Variants in TVP23A observed in about 807,000 individuals in gnomAD.
TVP23A encodes trans-golgi network vesicle protein 23 homolog A.
TVP23A carries 21 observed loss-of-function variants against 31.7 expected under a neutral mutation model. That is an observed-to-expected ratio of 0.66 (90% confidence interval 0.47 to 0.95). TVP23A has a LOEUF of 0.95. TVP23A is among the 40% of genes least tolerant of loss of function. The pLI is 0.00. For missense variants in TVP23A, 279 were observed against 255.6 expected (o/e 1.09, Z -0.62); for synonymous variants, 104 against 96.0 (o/e 1.08, Z -0.49).
Position 10,808,002 on chromosome 16 carries a change from C to T in TVP23A, c.89+10101G>A, listed in dbSNP as rs996267936. Among the ~76,000 whole-genome samples the T allele has an allele frequency of 2.0e-5, 3 of 152,218 alleles. No homozygotes were observed. The South Asian group carries it at 6.2e-4, about 32-fold the overall frequency. On this transcript the variant is annotated intron_variant, in intron 2 of 7. Transcript: ENST00000299866. The stretch of plus-strand genomic sequence containing the variant: ...AACTGGGATTACAGGTGCATGCCAC[C>T]GTGTCAGGCTCAAATCCCTTCCTTG...
chr16:10,797,581 AT>A (rs2033457018), intron 2 of TVP23A, among the ~76,000 whole-genome samples: 1 of 151,990 alleles, frequency 6.6e-6, no homozygotes, highest in Admixed American at 6.6e-5. Context: ...CTTATCAAAA[AT>A]TAGCCAGGCG....
intron 2 of TVP23A, among the ~76,000 whole-genome samples, chr16:10,809,692 C>G (rs1432599882): frequency 1.3e-5 from 2 of 152,176 alleles, no homozygotes; most frequent in African/African-American, 4.8e-5. Flanking sequence ...GGGCCCAGAA[C>G]TGTACTGTGG....
chr16:10,758,586 G>A (rs901801704), downstream of TVP23A, among the ~76,000 whole-genome samples: 1 of 152,190 alleles, frequency 6.6e-6, no homozygotes, highest in Non-Finnish European at 1.5e-5. Flanking sequence ...GGTCAAGAAT[G>A]CTTTTTGAAC....
intron 2 of TVP23A, chr16:10,775,317 C>G: frequency 7.2e-7 from 1 of 1,379,964 alleles, no homozygotes. Context: ...TCCTCCCCTT[C>G]GAAGAATCCA....
chr16:10,765,814 T>C (rs1157476977), downstream of TVP23A, among the ~76,000 whole-genome samples: 3 of 152,244 alleles, frequency 2.0e-5, no homozygotes, highest in Non-Finnish European at 4.4e-5. The surrounding 1 kb of genome is among the most constrained non-coding windows in gnomAD (Gnocchi z 4.0). Context: ...AGGCTCATTC[T>C]GAGCTGAGAA....
chr16:10,817,530 G>T (rs2034497030), intron 2 of TVP23A, among the ~76,000 whole-genome samples: 1 of 152,214 alleles, frequency 6.6e-6, no homozygotes, highest in African/African-American at 2.4e-5. Flanking sequence ...AGGCAGTTAA[G>T]TGACTTGACC....
At chr16:10,784,212 C>A (rs2142956841) in intron 2 of TVP23A, among the ~76,000 whole-genome samples, 1 of 151,784 alleles carries the variant, frequency 6.6e-6, no homozygotes, top group South Asian at 2.1e-4. Flanking sequence ...ACCTGTAATC[C>A]CAGCTACTAG....
rs1463745526 is a variant in TVP23A, at chr16:10,771,804, C to T, written c.454-6G>A. 5 of 1,564,680 alleles carry T rather than the reference C, an allele frequency of 3.2e-6. No homozygotes were observed. In the South Asian group the frequency reaches 3.5e-5, roughly 11 times the overall value. The stretch of plus-strand genomic sequence containing the variant: ...ATCCCAGCAACCACCAGAGCCTGCA[C>T]TCAGACAAAGAAAGCAAAGGTCACT... On this transcript the variant is annotated splice_polypyrimidine_tract_variant and splice_region_variant and intron_variant, in intron 5 of 7. Transcript: ENST00000299866.
At position 10,770,292 on chromosome 16, in the gene TVP23A, G is replaced by T; in HGVS notation, c.622C>A (p.Leu208Met). The change falls in exon 7 of 8, where the codon CTG (leucine) becomes ATG (methionine). Residue 208 changes from leucine (L) to methionine (M), a missense_variant. Transcript: ENST00000299866. ...CTCACCTAATGCTGGTGAATCTCCAGCCCCTCGAGGCCAGGCTTCTGAAAG... is the reference window on the plus strand; with the variant it reads ...CTCACCTAATGCTGGTGAATCTCCATCCCCTCGAGGCCAGGCTTCTGAAAG... Reference protein sequence around the residue: ...GDFQKPGLEGLEIHQH With the variant: ...GDFQKPGLEGMEIHQH The T allele has an allele frequency of 1.3e-6, 2 of 1,550,990 alleles. No homozygotes were observed. The highest frequency in any genetic ancestry group is 1.7e-6 in the Non-Finnish European group (2 of 1,146,834).
downstream of TVP23A, among the ~76,000 whole-genome samples, chr16:10,760,065 A>G (rs1174103623): frequency 1.3e-5 from 2 of 152,274 alleles, no homozygotes; most frequent in African/African-American, 4.8e-5. Context: ...ATACACAGTA[A>G]TCACATTGGA....
At chr16:10,784,419 G>A (rs2032615606) in intron 2 of TVP23A, among the ~76,000 whole-genome samples, 1 of 151,412 alleles carries the variant, frequency 6.6e-6, no homozygotes. Flanking sequence ...AAATTAGCCA[G>A]GCATGGTGGC....
downstream of TVP23A, chr16:10,766,037 C>T (rs1446328587): frequency 2.6e-5 from 4 of 152,348 alleles, no homozygotes; most frequent in African/African-American, 9.6e-5. The surrounding 1 kb of genome is among the most constrained non-coding windows in gnomAD (Gnocchi z 4.8). Flanking sequence ...GGAAAACCCA[C>T]CTTCCTAGGA....
chr16:10,804,651 G>C (rs2033859429), intron 2 of TVP23A, among the ~76,000 whole-genome samples: 2 of 152,184 alleles, frequency 1.3e-5, no homozygotes, highest in Admixed American at 6.5e-5. Flanking sequence ...GAGGCTGAGG[G>C]GGGAGGATCG....
rs542102361 is a variant in TVP23A, at chr16:10,768,600, G to A, written c.*502C>T. 1.2e-3 allele frequency: 194 copies of A among 157,514 alleles called. No individual in the cohort carries two copies. The highest frequency in any genetic ancestry group is 4.3e-3 in the African/African-American group (180 of 41,662). The allele number at this position is 157,514 out of a possible 1,614,324, so 9.8% of individuals were successfully genotyped here. On this transcript the variant is annotated 3_prime_UTR_variant, in exon 8 of 8. Coordinates refer to ENST00000299866, the MANE Select transcript of TVP23A (RefSeq NM_001079512.4). The surrounding 1 kb of genome is among the most constrained non-coding windows in gnomAD (Gnocchi z 4.3). ...CCAGCCTGGGCAACAGCGTGAGACCGTGTCTCAAAAAAATAAAAAATAAAA... is the reference window on the plus strand; with the variant it reads ...CCAGCCTGGGCAACAGCGTGAGACCATGTCTCAAAAAAATAAAAAATAAAA...
rs149036572 is a variant in TVP23A at position 10,784,050 on chromosome 16, G to T, written c.90-8954C>A. On this transcript the variant is annotated intron_variant, in intron 2 of 7. Transcript: ENST00000299866. ...ACATTTGCCAAAACTCATAGAATGG[G>T]CTAGGCGTGGTGGCTCATGCCTGCC... Among the ~76,000 whole-genome samples, 552 of 152,242 alleles carry T rather than the reference G, an allele frequency of 3.6e-3. 9 individuals are homozygous for T. The highest frequency in any genetic ancestry group is 0.013 in the African/African-American group (523 of 41,556).
chr16:10,789,536 A>G (rs1454213000), intron 2 of TVP23A, among the ~76,000 whole-genome samples: 3 of 151,838 alleles, frequency 2.0e-5, no homozygotes, highest in African/African-American at 7.3e-5. Context: ...TACATTCAAG[A>G]TATACATTGG....
At chr16:10,769,937 G>T (rs1174840711) in intron 7 of TVP23A, among the ~76,000 whole-genome samples, 1 of 152,124 alleles carries the variant, frequency 6.6e-6, no homozygotes, top group Non-Finnish European at 1.5e-5. Flanking sequence ...AAAGTGGGTG[G>T]GTGGGAAACA....
chr16:10,808,773 T>TC lies in TVP23A; in HGVS notation c.89+9329dup, dbSNP rs373126822. 1.8e-4 allele frequency among the ~76,000 whole-genome samples: 28 copies of TC among 151,418 alleles called. 1 individual carries two copies. The East Asian group carries it at 5.5e-3, about 29-fold the overall frequency. The stretch of plus-strand genomic sequence containing the variant: ...GCCTGGGCAACAGAACAAGATCTTA[T>TC]CCCCCCACAACTCCCCAAAAGAAAA... On this transcript the variant is annotated intron_variant, in intron 2 of 7. Transcript: ENST00000299866.
intron 3 of TVP23A, 70 bp from the exon 4 acceptor site, chr16:10,774,198 A>G: frequency 8.3e-7 from 1 of 1,203,638 alleles, no homozygotes; most frequent in Non-Finnish European, 1.2e-6. Flanking sequence ...ATTGATAAAC[A>G]AAAGTTCCTT....
Sources: gnomAD v4.1 joint callset for allele counts (sites outside exome capture counted in the v4.1 genomes callset) on GRCh38, gnomAD v4.1.1 for gene constraint, Gnocchi (gnomAD v3.1) non-coding constraint, MANE v1.5 for transcripts, NCBI Gene and HGNC (gene_info 2026-07-23, HGNC 2026-07-21) for gene names.